Variants in KCNQ5 observed in about 807,000 individuals in gnomAD.
The protein encoded by KCNQ5 is potassium voltage-gated channel subfamily Q member 5.
In KCNQ5, 30 loss-of-function variants were observed where a neutral mutation model predicts 98.2. The ratio of observed to expected loss-of-function variants is 0.31; its 90% CI spans 0.23 to 0.41. The LOEUF is 0.41. KCNQ5 is among the 10% of genes least tolerant of loss of function. The probability of loss-of-function intolerance (pLI) is 1.00; values close to 1 mark genes in which losing one functional copy is unlikely to be tolerated. For missense variants in KCNQ5, 835 were observed against 1,182.5 expected, an observed-to-expected ratio of 0.71 and a Z score of 4.31; for synonymous variants, 458 against 449.4, an observed-to-expected ratio of 1.02 and a Z score of -0.24.
chr6:72,984,832 C>T (rs141161568), intron 1 of KCNQ5, among the ~76,000 whole-genome samples: 12 of 152,250 alleles, frequency 7.9e-5, no homozygotes, highest in South Asian at 4.2e-4. Flanking sequence ...TGTTGCTATT[C>T]GGCCATTTTG....
At chr6:72,755,279 G>A (rs138870407) in intron 1 of KCNQ5, among the ~76,000 whole-genome samples, 191 of 151,908 alleles carry the variant, frequency 1.3e-3, no homozygotes, top group African/African-American at 4.4e-3. Context: ...ATAGAGTTGG[G>A]ACTTCCTTTA....
chr6:73,114,926 C>A lies in KCNQ5; in HGVS notation c.1125+3523C>A, dbSNP rs184958353. Among the ~76,000 whole-genome samples the A allele has an allele frequency of 2.1e-3, 322 of 152,120 alleles. 1 individual carries two copies. Among genetic ancestry groups the A allele is most frequent in the African/African-American group, 7.0e-3 (291 of 41,506 alleles). ...CCTAGTAAAATGACTTAGTCTCCAC[C>A]CAATTACCCTAAAGCGAAGCCACTA... On this transcript the variant is annotated intron_variant, in intron 7 of 13. Coordinates refer to ENST00000370398, the MANE Select transcript of KCNQ5 (RefSeq NM_019842.4).
intron 2 of KCNQ5, among the ~76,000 whole-genome samples, chr6:73,025,074 C>G (rs1020285911): frequency 1.3e-5 from 2 of 152,168 alleles, no homozygotes; most frequent in Non-Finnish European, 2.9e-5. Context: ...ACACGCAGTG[C>G]TAAAGTCAGA....
chr6:73,194,465 A>T lies in KCNQ5; in HGVS notation c.1850A>T (p.Glu617Val). The change falls in exon 14 of 14, where the codon GAA becomes GTA. Residue 617 changes from glutamate (E) to valine (V), a missense_variant. Physicochemically the swap from Glu to Val is moderately radical, Grantham distance 121. Coordinates refer to ENST00000370398, the MANE Select transcript of KCNQ5 (RefSeq NM_019842.4). Reference protein sequence around the residue: ...VKVEKQVQSIESKLDCLLDIY... With the variant: ...VKVEKQVQSIVSKLDCLLDIY... The stretch of plus-strand genomic sequence containing the variant: ...CCTCACTTCTAGGTACAGTCCATAG[A>T]ATCCAAGCTGGACTGCCTACTAGAC... 1 of 1,613,374 alleles carries T rather than the reference A, an allele frequency of 6.2e-7. No individual in the cohort carries two copies. The highest frequency in any genetic ancestry group is 2.2e-5 in the East Asian group (1 of 44,870).
chr6:72,973,799 A>T (rs2150287649), intron 1 of KCNQ5, among the ~76,000 whole-genome samples: 1 of 152,338 alleles, frequency 6.6e-6, no homozygotes, highest in East Asian at 1.9e-4. Flanking sequence ...TAGTATTGGG[A>T]ACTTAGTTCT....
At chr6:72,680,928 T>C (rs148519851) in intron 1 of KCNQ5, among the ~76,000 whole-genome samples, 153 of 152,348 alleles carry the variant, frequency 1.0e-3, no homozygotes, top group African/African-American at 3.5e-3. Flanking sequence ...TTTAAGTGGG[T>C]GTTTAGCAAG....
chr6:73,107,747 C>A (rs1019522387), intron 6 of KCNQ5, among the ~76,000 whole-genome samples: 3 of 152,054 alleles, frequency 2.0e-5, no homozygotes, highest in Non-Finnish European at 4.4e-5. Context: ...TTTTTATATG[C>A]AAATTAAATT....
At chr6:72,647,870 T>G (rs2154472262) in intron 1 of KCNQ5, among the ~76,000 whole-genome samples, 1 of 152,322 alleles carries the variant, frequency 6.6e-6, no homozygotes, top group Admixed American at 6.5e-5. Context: ...TAATGTTGAC[T>G]GTTAAGATAT....
intron 9 of KCNQ5, among the ~76,000 whole-genome samples, chr6:73,124,936 G>GATATATATATATAT (rs1180218889): frequency 5.2e-5 from 4 of 76,278 alleles, no homozygotes; most frequent in Non-Finnish European, 5.2e-5. Flanking sequence ...CTTTTGGAGT[G>GATATATATATATAT]ATATATATAT....
chr6:73,011,243 A>C (rs1432434154), intron 2 of KCNQ5, among the ~76,000 whole-genome samples: 4 of 152,116 alleles, frequency 2.6e-5, no homozygotes, highest in African/African-American at 7.2e-5. Flanking sequence ...AATACACTGA[A>C]CTATAAAATG....
intron 1 of KCNQ5, among the ~76,000 whole-genome samples, chr6:72,935,363 A>G (rs1765870229): frequency 6.6e-6 from 1 of 152,014 alleles, no homozygotes; most frequent in South Asian, 2.1e-4. Context: ...GAGCCACCTC[A>G]ACCAACCAGC....
At chr6:72,742,902 C>T (rs1410591139) in intron 1 of KCNQ5, among the ~76,000 whole-genome samples, 1 of 152,122 alleles carries the variant, frequency 6.6e-6, no homozygotes. Context: ...GTGTGGGCTT[C>T]CGCTTATTTT....
At chr6:72,884,993 A>G (rs971498710) in intron 1 of KCNQ5, among the ~76,000 whole-genome samples, 1 of 152,162 alleles carries the variant, frequency 6.6e-6, no homozygotes, top group Non-Finnish European at 1.5e-5. Context: ...CTTCCTACAC[A>G]CAAGTCACTT....
chr6:72,642,247 A>G (rs1018838133), intron 1 of KCNQ5, among the ~76,000 whole-genome samples: 6 of 151,774 alleles, frequency 4.0e-5, no homozygotes, highest in African/African-American at 1.2e-4. Context: ...TCCTTTGCCC[A>G]TTAAACATTT....
chr6:73,188,786 C>T (rs1183308657), intron 11 of KCNQ5, among the ~76,000 whole-genome samples: 2 of 151,950 alleles, frequency 1.3e-5, no homozygotes, highest in African/African-American at 4.8e-5. Context: ...AGTTCGAGAC[C>T]AGCCTGGCCA....
chr6:72,787,799 T>C (rs1773833825), intron 1 of KCNQ5, among the ~76,000 whole-genome samples: 1 of 152,180 alleles, frequency 6.6e-6, no homozygotes, highest in African/African-American at 2.4e-5. Context: ...AATCAGCTCC[T>C]CTATTGATTG....
intron 1 of KCNQ5, among the ~76,000 whole-genome samples, chr6:72,966,329 C>A (rs756340552): frequency 1.3e-5 from 2 of 151,618 alleles, no homozygotes; most frequent in Non-Finnish European, 1.5e-5. Flanking sequence ...GAGGCCAAGG[C>A]GGGCGGATCA....
intron 1 of KCNQ5, among the ~76,000 whole-genome samples, chr6:72,714,480 A>G (rs1166020367): frequency 6.6e-5 from 10 of 152,144 alleles, no homozygotes; most frequent in Non-Finnish European, 1.0e-4. Context: ...AAGCCTTTAT[A>G]ACACATCCCA....
intron 9 of KCNQ5, among the ~76,000 whole-genome samples, chr6:73,126,615 T>C (rs1402253448): frequency 6.6e-6 from 1 of 152,176 alleles, no homozygotes; most frequent in Non-Finnish European, 1.5e-5. Context: ...AACTCACCCA[T>C]AGGTTTAAAT....
Sources: allele counts gnomAD v4.1 joint callset (sites outside exome capture counted in the v4.1 genomes callset), GRCh38; gene constraint gnomAD v4.1.1; transcripts MANE v1.5; gene names NCBI Gene and HGNC (gene_info 2026-07-23, HGNC 2026-07-21).